Variants in PEX13 observed in about 807,000 individuals in gnomAD.
PEX13 encodes the protein peroxisomal biogenesis factor 13.
Under a neutral mutation model 34.5 loss-of-function variants are expected in PEX13, and 28 were observed. The ratio of observed to expected loss-of-function variants is 0.81; its 90% CI spans 0.60 to 1.11. PEX13 has a LOEUF of 1.11. PEX13 is among the 50% of genes most tolerant of loss of function. The pLI, the probability that PEX13 is intolerant of heterozygous loss-of-function variation, is 0.00. For missense variants in PEX13, 550 were observed against 491.0 expected, an observed-to-expected ratio of 1.12 and a Z score of -1.13; for synonymous variants, 177 against 175.1, an observed-to-expected ratio of 1.01 and a Z score of -0.09.
intron 2 of PEX13, among the ~76,000 whole-genome samples, chr2:61,036,872 A>G (rs1680543868): frequency 6.6e-6 from 1 of 152,194 alleles, no homozygotes; most frequent in Admixed American, 6.5e-5. Flanking sequence ...GGTGTGCTGT[A>G]TTCAGGAGAC....
In PEX13 at chr2:61,028,165, C is replaced by A. The variant is rs80122775; in HGVS notation, c.93-3254C>A. Among the ~76,000 whole-genome samples the A allele has an allele frequency of 6.5e-3, 988 of 152,310 alleles. 9 individuals are homozygous for A. The highest frequency in any genetic ancestry group is 0.023 in the African/African-American group (942 of 41,562). ...TTTTAATGGAAAGATCTAATAGTCA[C>A]CTCCTTAACCAACTAATCAAATTTA... On this transcript the variant is annotated intron_variant, in intron 1 of 3. Transcript: ENST00000295030.
At chr2:61,043,343 A>C (rs986904275) in intron 2 of PEX13, among the ~76,000 whole-genome samples, 2 of 151,886 alleles carry the variant, frequency 1.3e-5, no homozygotes, top group Admixed American at 6.6e-5. Flanking sequence ...AAAAAAAAAA[A>C]AAAAAAAAAC....
intron 2 of PEX13, among the ~76,000 whole-genome samples, chr2:61,043,052 C>T (rs921371903): frequency 1.3e-5 from 2 of 152,114 alleles, no homozygotes; most frequent in Non-Finnish European, 2.9e-5. Context: ...ACTCTTTTGC[C>T]ATGTGATGCC....
At position 61,045,711 on chromosome 2, in the gene PEX13, T is replaced by G. The variant is rs770460008; in HGVS notation, c.788-15T>G. 3 of 1,610,734 alleles carry G rather than the reference T, an allele frequency of 1.9e-6. No individual in the cohort carries two copies. The highest frequency in any genetic ancestry group is 2.2e-5 in the East Asian group (1 of 44,828). ...TTTGTAAATTTTATTAACCTAATTT[T>G]AATTTGGCTTATAGACAGCATCAAC... On this transcript the variant is annotated splice_polypyrimidine_tract_variant and intron_variant, in intron 2 of 3. Transcript: ENST00000295030.
rs553968959 is a variant in PEX13, at chr2:61,031,834, C to T, written c.508C>T (p.Arg170Ter). ...ATTGGATGTAGCAAATCACTTTTCC[C>T]GATTGAAAATACACTTTACAAAAGT... ...AVLDVANHFS[R>*]LKIHFTKVFS... Residue 170 changes from arginine to a stop codon, truncating the protein, a stop_gained, in exon 2 of 4, where the codon CGA becomes TGA. Coordinates refer to ENST00000295030, the MANE Select transcript of PEX13 (RefSeq NM_002618.4). LOFTEE classifies it high-confidence loss of function. 23 of 1,613,218 alleles carry T rather than the reference C, an allele frequency of 1.4e-5. No homozygotes were observed. Among genetic ancestry groups the T allele is most frequent in the African/African-American group, 2.7e-5 (2 of 75,004 alleles).
At chr2:61,039,225 A>G (rs1454188463) in intron 2 of PEX13, among the ~76,000 whole-genome samples, 1 of 152,220 alleles carries the variant, frequency 6.6e-6, no homozygotes, top group East Asian at 1.9e-4. Flanking sequence ...GACTTTCTTC[A>G]CAGAATTGGA....
chr2:61,021,234 C>T (rs780281217), intron 1 of PEX13, among the ~76,000 whole-genome samples: 11 of 152,136 alleles, frequency 7.2e-5, no homozygotes, highest in South Asian at 2.1e-4. Context: ...ACCCAGGAAG[C>T]GCAAGGGATT....
At chr2:61,039,588 T>A (rs1433843744) in intron 2 of PEX13, among the ~76,000 whole-genome samples, 2 of 152,004 alleles carry the variant, frequency 1.3e-5, no homozygotes, top group Non-Finnish European at 2.9e-5. Context: ...ATACAAAAAT[T>A]AACTCAAGAT....
intron 1 of PEX13, among the ~76,000 whole-genome samples, chr2:61,024,497 G>A (rs976690338): frequency 1.3e-5 from 2 of 151,926 alleles, no homozygotes; most frequent in African/African-American, 2.4e-5. Context: ...TTCTTTCACT[G>A]TGTCTAATCT....
chr2:61,034,982 T>C (rs1680512223), intron 2 of PEX13, among the ~76,000 whole-genome samples: 1 of 152,212 alleles, frequency 6.6e-6, no homozygotes, highest in Non-Finnish European at 1.5e-5. Context: ...CTGAGCACAG[T>C]GTGCGAGCTC....
intron 2 of PEX13, among the ~76,000 whole-genome samples, chr2:61,040,331 C>T (rs1457137499): frequency 6.6e-6 from 1 of 151,992 alleles, no homozygotes; most frequent in Admixed American, 6.6e-5. Flanking sequence ...GACTTGGAAC[C>T]AACCCACATG....
intron 2 of PEX13, among the ~76,000 whole-genome samples, chr2:61,043,471 C>T (rs55989622): frequency 0.063 from 9,490 of 151,470 alleles, 1,027 homozygotes; most frequent in African/African-American, 0.22. Flanking sequence ...CAGACAAGAA[C>T]ATTTTCAAAG....
At chr2:61,036,123 G>A (rs550877992) in intron 2 of PEX13, among the ~76,000 whole-genome samples, 1 of 152,174 alleles carries the variant, frequency 6.6e-6, no homozygotes, top group South Asian at 2.1e-4. Context: ...CAAGAAATAC[G>A]GGACTATGTG....
rs779659827 is a variant in PEX13 at position 61,048,569 on chromosome 2, A to G, written c.1011A>G (p.Arg337=). The change falls in exon 4 of 4, where the codon AGA becomes AGG. Residue 337 remains arginine (R), a synonymous_variant. Transcript: ENST00000295030. ...ATTATGTCAAAATTCTTGGCAAAAG[A>G]AAAGGTAGGAAAACGGTGGAATCAA... ...PANYVKILGK[R]KGRKTVESSK... The G allele has an allele frequency of 2.5e-6, 4 of 1,614,176 alleles. No individual in the cohort carries two copies. In the Admixed American group the frequency reaches 5.0e-5, roughly 20 times the overall value.
chr2:61,026,502 C>G, intron 1 of PEX13, among the ~76,000 whole-genome samples: 1 of 151,916 alleles, frequency 6.6e-6, no homozygotes, highest in Non-Finnish European at 1.5e-5. Context: ...CGCCCACCAC[C>G]ACGCGTGGCT....
intron 1 of PEX13, among the ~76,000 whole-genome samples, chr2:61,029,156 G>T (rs1046987698): frequency 3.2e-5 from 4 of 123,192 alleles, no homozygotes; most frequent in Non-Finnish European, 5.3e-5. Context: ...AAAAAAAAAA[G>T]AGGGCGAACT....
intron 1 of PEX13, among the ~76,000 whole-genome samples, chr2:61,023,732 C>CTTTTTT (rs375431867): frequency 7.7e-6 from 1 of 130,204 alleles, no homozygotes; most frequent in Non-Finnish European, 1.6e-5. Flanking sequence ...TTCCTGACTT[C>CTTTTTT]TTTTTTTTTT....
At position 61,031,907 on chromosome 2, in the gene PEX13, G is replaced by A. The variant is rs761487103; in HGVS notation, c.581G>A (p.Arg194Gln). ...LVRTIRYLYRRLQRMLGLRRG... is the reference protein window; with the variant it reads ...LVRTIRYLYRQLQRMLGLRRG... Reference sequence around the variant, plus strand: ...AGGACTATACGGTATCTTTACAGACGGCTACAGCGGATGTTAGGTTTAAGA... The same window carrying A: ...AGGACTATACGGTATCTTTACAGACAGCTACAGCGGATGTTAGGTTTAAGA... The change falls in exon 2 of 4, where the codon CGG becomes CAG. Residue 194 changes from arginine to glutamine, a missense_variant. Physicochemically the swap from Arg to Gln is conservative, Grantham distance 43 (BLOSUM62 1). Transcript: ENST00000295030. 15 of 1,613,918 alleles carry A rather than the reference G, an allele frequency of 9.3e-6. No homozygotes were observed. Among genetic ancestry groups the A allele is most frequent in the South Asian group, 2.2e-5 (2 of 91,080 alleles).
intron 1 of PEX13, among the ~76,000 whole-genome samples, chr2:61,025,013 ACT>A (rs1173888450): frequency 1.3e-5 from 2 of 151,994 alleles, no homozygotes; most frequent in African/African-American, 4.8e-5. Flanking sequence ...GTCTATAATA[ACT>A]CTATTATCTA....
Sources: gnomAD v4.1 joint callset for allele counts (sites outside exome capture counted in the v4.1 genomes callset) on GRCh38, gnomAD v4.1.1 for gene constraint, MANE v1.5 for transcripts, NCBI Gene and HGNC (gene_info 2026-07-23, HGNC 2026-07-21) for gene names.